ARMC3: variants seen among roughly 807,000 people sequenced by gnomAD.
ARMC3 encodes armadillo repeat containing 3, also known as armadillo repeat-containing protein 3.
Under a neutral mutation model 90.3 loss-of-function variants are expected in ARMC3, and 74 were observed. The ratio of observed to expected loss-of-function variants is 0.82; its 90% CI spans 0.68 to 0.99. ARMC3 has a LOEUF of 0.99. Among genes scored for constraint, ARMC3 ranks in the 50% least tolerant of loss-of-function variants. The pLI, the probability that ARMC3 is intolerant of heterozygous loss-of-function variation, is 0.00. For synonymous variants in ARMC3, 334 were observed against 361.8 expected (o/e 0.92, Z 0.87); for missense variants, 958 against 1,042.8 (o/e 0.92, Z 1.12).
intron 1 of ARMC3, among the ~76,000 whole-genome samples, chr10:22,929,282 GAA>G (rs1008522853): frequency 2.0e-5 from 3 of 147,638 alleles, no homozygotes; most frequent in East Asian, 2.0e-4. Flanking sequence ...GAGAGAGAGA[GAA>G]AGAGAGAGAG....
At chr10:22,958,868 C>A (rs1835066751) in intron 4 of ARMC3, among the ~76,000 whole-genome samples, 1 of 152,086 alleles carries the variant, frequency 6.6e-6, no homozygotes, top group South Asian at 2.1e-4. Flanking sequence ...ATTACAGATA[C>A]AAGCCACCAT....
chr10:22,948,175 G>C (rs989486127), intron 3 of ARMC3, among the ~76,000 whole-genome samples: 1 of 152,182 alleles, frequency 6.6e-6, no homozygotes, highest in East Asian at 1.9e-4. Flanking sequence ...TGGGAATCCA[G>C]ATGTAAACCA....
At chr10:22,929,439 T>G (rs917800487) in intron 1 of ARMC3, among the ~76,000 whole-genome samples, 2 of 152,236 alleles carry the variant, frequency 1.3e-5, no homozygotes, top group African/African-American at 4.8e-5. Context: ...CACAGTGAAA[T>G]GTATTACCCT....
At chr10:22,970,166 G>A (rs923754841) in intron 8 of ARMC3, among the ~76,000 whole-genome samples, 5 of 152,160 alleles carry the variant, frequency 3.3e-5, no homozygotes, top group Non-Finnish European at 7.4e-5. Flanking sequence ...CACAGACCTG[G>A]ATCAGAAAAA....
Position 22,968,442 on chromosome 10 carries a change from A to C in ARMC3, c.869A>C (p.Asp290Ala). 2 of 1,609,980 alleles carry C rather than the reference A, an allele frequency of 1.2e-6. No individual in the cohort carries two copies. Residue 290 changes from aspartate (D) to alanine (A), a missense_variant, in exon 8 of 19, where the codon GAT becomes GCT. Coordinates refer to ENST00000298032, the MANE Select transcript of ARMC3 (RefSeq NM_173081.5). ...LSFAENSTIP[D>A]IQKNAAKAIT... ...TTTGCAGAAAACTCTACAATTCCTG[A>C]TATTCAGAAGAATGCAGCAAAAGCC... is the stretch of plus-strand genomic sequence containing the variant.
At chr10:22,964,006 A>G (rs1835339061) in intron 7 of ARMC3, among the ~76,000 whole-genome samples, 1 of 151,590 alleles carries the variant, frequency 6.6e-6, no homozygotes. Context: ...TTGCATGACC[A>G]TTTATACAGA....
intron 8 of ARMC3, among the ~76,000 whole-genome samples, chr10:22,970,898 T>C (rs1389191340): frequency 6.6e-6 from 1 of 152,194 alleles, no homozygotes; most frequent in Non-Finnish European, 1.5e-5. Flanking sequence ...TGTGGTGAAA[T>C]ACAAATACTA....
chr10:23,005,106 C>G (rs373998208), intron 13 of ARMC3, among the ~76,000 whole-genome samples: 2 of 149,490 alleles, frequency 1.3e-5, no homozygotes, highest in East Asian at 2.0e-4. Context: ...CCAGCTACTC[C>G]GGAGGCTGAG....
intron 16 of ARMC3, among the ~76,000 whole-genome samples, chr10:23,022,557 T>G (rs900969599): frequency 1.3e-5 from 2 of 152,110 alleles, no homozygotes; most frequent in African/African-American, 4.8e-5. Context: ...CCCCCCAGCC[T>G]AGCAACAGAA....
intron 7 of ARMC3, among the ~76,000 whole-genome samples, chr10:22,966,687 C>T (rs1835453725): frequency 6.6e-6 from 1 of 152,106 alleles, no homozygotes; most frequent in African/African-American, 2.4e-5. Flanking sequence ...ACTCACAGAT[C>T]CTAGTGGATG....
rs553103163 is a variant in ARMC3 at position 22,943,427 on chromosome 10, C to T, written c.49-2717C>T. ...TGGAACTTTGGTTACTTATTGGTAGCGTATCTATTAAATACACATTTTAAC... is the reference window on the plus strand; with the variant it reads ...TGGAACTTTGGTTACTTATTGGTAGTGTATCTATTAAATACACATTTTAAC... On this transcript the variant is annotated intron_variant, in intron 2 of 18. Transcript: ENST00000298032. Among the ~76,000 whole-genome samples, 37 of 152,028 alleles carry T rather than the reference C, an allele frequency of 2.4e-4. No individual in the cohort carries two copies. The South Asian group carries it at 4.2e-3, about 17-fold the overall frequency.
At chr10:22,963,922 C>CAAA (rs35508443) in intron 7 of ARMC3, among the ~76,000 whole-genome samples, 3 of 58,562 alleles carry the variant, frequency 5.1e-5, no homozygotes, top group African/African-American at 2.3e-4. Flanking sequence ...CACACACACA[C>CAAA]AAAAAAAAAA....
chr10:22,971,623 T>C (rs906835707), intron 8 of ARMC3, among the ~76,000 whole-genome samples: 2 of 151,976 alleles, frequency 1.3e-5, no homozygotes, highest in African/African-American at 4.8e-5. Flanking sequence ...GTATTTGTAG[T>C]AGAGACATGA....
intron 16 of ARMC3, among the ~76,000 whole-genome samples, chr10:23,018,539 C>T (rs1480521395): frequency 2.4e-4 from 15 of 63,494 alleles, no homozygotes; most frequent in South Asian, 5.1e-4. Flanking sequence ...TTTTTTGAGA[C>T]GGAGTCTCGC....
chr10:22,941,973 C>T (rs1834343874), intron 2 of ARMC3, among the ~76,000 whole-genome samples: 1 of 152,116 alleles, frequency 6.6e-6, no homozygotes, highest in Admixed American at 6.6e-5. Context: ...TGGTTGGACA[C>T]TTGGGTATAA....
chr10:22,959,360 G>T, intron 5 of ARMC3, 39 bp from the exon 6 acceptor site: 1 of 1,546,590 alleles, frequency 6.5e-7, no homozygotes, highest in Non-Finnish European at 8.8e-7. Flanking sequence ...TGAATAATAA[G>T]CAGTTGGCAT....
chr10:22,969,758 A>T (rs1835602966), intron 8 of ARMC3, among the ~76,000 whole-genome samples: 1 of 152,216 alleles, frequency 6.6e-6, no homozygotes, highest in Non-Finnish European at 1.5e-5. Context: ...AAATGGGGAG[A>T]CACGGACAAT....
chr10:23,021,626 G>A (rs1564401811), intron 16 of ARMC3, among the ~76,000 whole-genome samples: 1 of 152,106 alleles, frequency 6.6e-6, no homozygotes, highest in African/African-American at 2.4e-5. Flanking sequence ...CTTCTTTTAA[G>A]AAGTGTCTGT....
chr10:22,960,109 G>A (rs550606690), intron 6 of ARMC3: 46 of 300,108 alleles, frequency 1.5e-4, no homozygotes, highest in South Asian at 1.2e-3. Context: ...CCCCTCCCCT[G>A]CAGTCCTGTC....
Sources: gnomAD v4.1 joint callset for allele counts (sites outside exome capture counted in the v4.1 genomes callset) on GRCh38, gnomAD v4.1.1 for gene constraint, MANE v1.5 for transcripts, NCBI Gene and HGNC (gene_info 2026-07-23, HGNC 2026-07-21) for gene names.